CDK19: variants seen among roughly 807,000 people sequenced by gnomAD.
CDK19 encodes the protein cyclin dependent kinase 19, also known as cyclin-dependent kinase 19.
Under a neutral mutation model 68.3 loss-of-function variants are expected in CDK19, and 20 were observed. The ratio of observed to expected loss-of-function variants is 0.29; its 90% CI spans 0.21 to 0.43. The LOEUF (loss-of-function observed/expected upper bound fraction) is 0.43. CDK19 is among the 20% of genes least tolerant of loss of function. The pLI is 1.00. For missense variants in CDK19, 339 were observed against 623.5 expected, an observed-to-expected ratio of 0.54 and a Z score of 4.86; for synonymous variants, 221 against 222.8, an observed-to-expected ratio of 0.99 and a Z score of 0.07.
intron 1 of CDK19, among the ~76,000 whole-genome samples, chr6:110,779,342 G>C (rs893483123): frequency 6.6e-6 from 1 of 152,066 alleles, no homozygotes; most frequent in Non-Finnish European, 1.5e-5. Flanking sequence ...CTTTCCTGCT[G>C]CACTCACCCT....
At chr6:110,636,503 G>A (rs1354259648) in intron 5 of CDK19, among the ~76,000 whole-genome samples, 1 of 152,184 alleles carries the variant, frequency 6.6e-6, no homozygotes, top group Non-Finnish European at 1.5e-5. Flanking sequence ...TAGACCAGCG[G>A]AGAAGACACC....
At chr6:110,721,466 G>C (rs1031513797) in intron 2 of CDK19, among the ~76,000 whole-genome samples, 2 of 151,916 alleles carry the variant, frequency 1.3e-5, no homozygotes, top group African/African-American at 4.8e-5. Context: ...ACTTTTGTGG[G>C]GGCGCAAATT....
chr6:110,628,839 C>T (rs902865424), intron 6 of CDK19, among the ~76,000 whole-genome samples: 1 of 152,302 alleles, frequency 6.6e-6, no homozygotes, highest in East Asian at 1.9e-4. Context: ...AAACATATTC[C>T]TTTGACGACC....
chr6:110,655,196 T>C (rs920558674), intron 4 of CDK19, among the ~76,000 whole-genome samples: 1 of 151,254 alleles, frequency 6.6e-6, no homozygotes, highest in Admixed American at 6.6e-5. Flanking sequence ...TGAAACCCTG[T>C]CTCTACTAAA....
At chr6:110,737,831 C>T (rs995281183) in intron 2 of CDK19, among the ~76,000 whole-genome samples, 1 of 151,838 alleles carries the variant, frequency 6.6e-6, no homozygotes, top group Non-Finnish European at 1.5e-5. Flanking sequence ...GGAAAAAAAA[C>T]CCACATTTTT....
chr6:110,796,837 G>A (rs1326864245), intron 1 of CDK19, among the ~76,000 whole-genome samples: 4 of 150,618 alleles, frequency 2.7e-5, no homozygotes, highest in African/African-American at 7.3e-5. Flanking sequence ...GTGAAATCCC[G>A]TCTCTACGAA....
intron 2 of CDK19, among the ~76,000 whole-genome samples, chr6:110,679,834 C>A (rs1771861344): frequency 6.6e-6 from 1 of 152,116 alleles, no homozygotes; most frequent in Non-Finnish European, 1.5e-5. Flanking sequence ...TATTGTCTGT[C>A]TCTCTCCACT....
chr6:110,803,464 A>G (rs962732641), intron 1 of CDK19, among the ~76,000 whole-genome samples: 1 of 152,214 alleles, frequency 6.6e-6, no homozygotes, highest in African/African-American at 2.4e-5. Flanking sequence ...AATAGCATAA[A>G]ATTATTTCCA....
intron 2 of CDK19, among the ~76,000 whole-genome samples, chr6:110,714,722 C>CTT (rs112875656): frequency 0.049 from 3,380 of 69,488 alleles, 61 homozygotes; most frequent in Non-Finnish European, 0.068. Context: ...AATGTCTTTT[C>CTT]TTTTTTTTTT....
intron 4 of CDK19, among the ~76,000 whole-genome samples, chr6:110,666,799 GAACA>G (rs1192449789): frequency 3.3e-5 from 5 of 151,900 alleles, no homozygotes; most frequent in Non-Finnish European, 1.5e-5. Flanking sequence ...ATCTTCTTAA[GAACA>G]AACAAAAGAA....
chr6:110,747,583 AAC>A (rs1232255050), intron 1 of CDK19, among the ~76,000 whole-genome samples: 4 of 152,210 alleles, frequency 2.6e-5, no homozygotes, highest in East Asian at 1.9e-4. Context: ...ACAAAAAATT[AAC>A]AGTTACGTTA....
At chr6:110,721,067 G>A (rs1428121288) in intron 2 of CDK19, among the ~76,000 whole-genome samples, 5 of 151,366 alleles carry the variant, frequency 3.3e-5, no homozygotes, top group South Asian at 2.1e-4. Flanking sequence ...GTGAAACCCC[G>A]ACTCTACTAA....
At chr6:110,694,138 C>T (rs1488725310) in intron 2 of CDK19, among the ~76,000 whole-genome samples, 1 of 149,062 alleles carries the variant, frequency 6.7e-6, no homozygotes, top group Non-Finnish European at 1.5e-5. Context: ...CAGTAACTCA[C>T]ATCTCCATAC....
At chr6:110,733,058 T>C (rs761814406) in intron 2 of CDK19, among the ~76,000 whole-genome samples, 1 of 152,012 alleles carries the variant, frequency 6.6e-6, no homozygotes, top group South Asian at 2.1e-4. Context: ...ACAGAAGACA[T>C]ACAACATTTT....
intron 2 of CDK19, among the ~76,000 whole-genome samples, chr6:110,737,991 A>C (rs986680085): frequency 1.3e-5 from 2 of 152,166 alleles, no homozygotes; most frequent in Non-Finnish European, 2.9e-5. Flanking sequence ...ACCATACCAA[A>C]TTTTAAAGAA....
At chr6:110,669,019 G>C (rs2114432001) in intron 3 of CDK19, among the ~76,000 whole-genome samples, 1 of 152,100 alleles carries the variant, frequency 6.6e-6, no homozygotes, top group African/African-American at 2.4e-5. Flanking sequence ...AGTTCTACAG[G>C]ATCTGACTAT....
intron 1 of CDK19, among the ~76,000 whole-genome samples, chr6:110,772,028 A>C (rs1046747226): frequency 6.6e-6 from 1 of 152,094 alleles, no homozygotes. Flanking sequence ...ACATTTTCCT[A>C]TCTTCTTCTG....
chr6:110,760,720 C>T (rs533806776), intron 1 of CDK19, among the ~76,000 whole-genome samples: 1 of 152,156 alleles, frequency 6.6e-6, no homozygotes, highest in Non-Finnish European at 1.5e-5. Context: ...AGGGCGAGAC[C>T]TTGTCTCAAA....
chr6:110,631,803 T>C (rs1177318442), intron 6 of CDK19, among the ~76,000 whole-genome samples: 1 of 152,224 alleles, frequency 6.6e-6, no homozygotes, highest in Non-Finnish European at 1.5e-5. Flanking sequence ...CAGGATCAGA[T>C]ACTGATACCT....
Sources: allele counts gnomAD v4.1 joint callset (sites outside exome capture counted in the v4.1 genomes callset), GRCh38; gene constraint gnomAD v4.1.1; transcripts MANE v1.5; gene names NCBI Gene and HGNC (gene_info 2026-07-23, HGNC 2026-07-21).